CACNA2D2: variants seen among roughly 807,000 people sequenced by gnomAD.
The protein encoded by CACNA2D2 is calcium voltage-gated channel auxiliary subunit alpha2delta 2, also known as voltage-dependent calcium channel subunit alpha-2/delta-2.
In CACNA2D2, 48 loss-of-function variants were observed where a neutral mutation model predicts 166.4. The observed-to-expected ratio is 0.29, with a 90% confidence interval of 0.23 to 0.37. The LOEUF is 0.37. Ranked by LOEUF, CACNA2D2 falls within the 10% of genes least tolerant of loss-of-function variation. The probability of loss-of-function intolerance (pLI) is 1.00; values close to 1 mark genes in which losing one functional copy is unlikely to be tolerated. For synonymous variants in CACNA2D2, 561 were observed against 573.7 expected (o/e 0.98, Z 0.32); for missense variants, 1,122 against 1,433.0 (o/e 0.78, Z 3.50).
intron 1 of CACNA2D2, 142 bp from the exon 2 acceptor site, chr3:50,476,341 A>T: frequency 1.5e-6 from 1 of 645,776 alleles, no homozygotes; most frequent in East Asian, 2.8e-5. Flanking sequence ...GCAAGGAACC[A>T]GCAAGCACCT....
rs185295106 is a variant in CACNA2D2 at position 50,477,202 on chromosome 3, T to A, written c.207-1003A>T. ...TCTCAGCCTCCCAAAGTGCTGGGATTATAGGCATGAGCCACCGTGCCCGGC... is the reference window on the plus strand; with the variant it reads ...TCTCAGCCTCCCAAAGTGCTGGGATAATAGGCATGAGCCACCGTGCCCGGC... On this transcript the variant is annotated intron_variant, in intron 1 of 37. Transcript: ENST00000424201. Among the ~76,000 whole-genome samples the A allele has an allele frequency of 5.9e-5, 9 of 152,024 alleles. No homozygotes were observed. The East Asian group carries it at 1.8e-3, about 30-fold the overall frequency.
chr3:50,378,750 G>A lies in CACNA2D2; in HGVS notation c.1339+165C>T, dbSNP rs75017764. Among the ~76,000 whole-genome samples the A allele has an allele frequency of 9.8e-4, 149 of 152,336 alleles. 1 individual carries two copies. The East Asian group carries it at 0.018, about 18-fold the overall frequency. On this transcript the variant is annotated intron_variant, in intron 13 of 37. Transcript: ENST00000424201. The stretch of plus-strand genomic sequence containing the variant: ...AAAAGAGGCTCAGTTAGGTGGACCC[G>A]TTAGCCCCCAGATAGAGTGAGGGAC...
At chr3:50,370,103 G>T (rs1369744069) in intron 23 of CACNA2D2, among the ~76,000 whole-genome samples, 1 of 152,206 alleles carries the variant, frequency 6.6e-6, no homozygotes, top group African/African-American at 2.4e-5. Flanking sequence ...GCCCCGGCCT[G>T]GTGGGAGCTA....
Position 50,376,313 on chromosome 3 carries a change from G to C in CACNA2D2, c.1627-125C>G, listed in dbSNP as rs1004921017. The stretch of plus-strand genomic sequence containing the variant: ...TTCTGTTTGCCTGCCTTGGGCTAAG[G>C]GCCCCCCCATGCCACGTGGCCCTAA... On this transcript the variant is annotated intron_variant, in intron 17 of 37. Transcript: ENST00000424201. The surrounding 1 kb of genome is among the most constrained non-coding windows in gnomAD (Gnocchi z 4.3). 9.5e-7 allele frequency: 1 copy of C among 1,051,966 alleles called. No homozygotes were observed. The highest frequency in any genetic ancestry group is 1.4e-6 in the Non-Finnish European group (1 of 721,258). 65.2% of individuals were successfully genotyped at this position (1,051,966 alleles called of 1,614,324 possible).
intron 2 of CACNA2D2, among the ~76,000 whole-genome samples, chr3:50,435,904 G>A (rs1196965035): frequency 6.6e-6 from 1 of 152,246 alleles, no homozygotes; most frequent in East Asian, 1.9e-4. Flanking sequence ...GGAGAAGAGA[G>A]GCCCCGAGTG....
At position 50,384,183 on chromosome 3, in the gene CACNA2D2, T is replaced by C. The variant is rs1393258101; in HGVS notation, c.652+13A>G. The C allele has an allele frequency of 1.2e-6, 2 of 1,613,676 alleles. No individual in the cohort carries two copies. The highest frequency in any genetic ancestry group is 3.3e-5 in the Admixed American group (2 of 59,996). On this transcript the variant is annotated intron_variant, in intron 6 of 37. Transcript: ENST00000424201. The stretch of plus-strand genomic sequence containing the variant: ...AGGTGGGATGGGCTGTCCCGATTGC[T>C]CTGCACACTCACAGCCTTTGTAGAT...
At chr3:50,460,955 C>T (rs1709561738) in intron 2 of CACNA2D2, among the ~76,000 whole-genome samples, 1 of 151,346 alleles carries the variant, frequency 6.6e-6, no homozygotes, top group South Asian at 2.1e-4. Context: ...CAGAAAGACA[C>T]AGAAATGGAA....
chr3:50,402,960 C>T (rs1706514244), intron 3 of CACNA2D2, among the ~76,000 whole-genome samples: 1 of 152,088 alleles, frequency 6.6e-6, no homozygotes, highest in East Asian at 1.9e-4. Context: ...CATGGTGCTG[C>T]CTCCTGTCCC....
In CACNA2D2 at chr3:50,367,913, A is replaced by T; in HGVS notation, c.2144-11T>A. 1 of 153,528 alleles carries T rather than the reference A, an allele frequency of 6.5e-6. No homozygotes were observed. The highest frequency in any genetic ancestry group is 1.3e-5 in the Non-Finnish European group (1 of 77,444). The allele number at this position is 153,528 out of a possible 1,614,324, so 9.5% of individuals were successfully genotyped here. On this transcript the variant is annotated splice_polypyrimidine_tract_variant and intron_variant, in intron 24 of 37. Coordinates refer to ENST00000424201, the MANE Select transcript of CACNA2D2 (RefSeq NM_006030.4). The surrounding 1 kb of genome is among the most constrained non-coding windows in gnomAD (Gnocchi z 6.5). Reference sequence around the variant, plus strand: ...GAAGGAAGTTGTTGCCTGGAACAGGAGGGGAGGGGTGGGGGTGGGGGCATC... The same window carrying T: ...GAAGGAAGTTGTTGCCTGGAACAGGTGGGGAGGGGTGGGGGTGGGGGCATC...
chr3:50,452,655 G>A (rs1709155416), intron 2 of CACNA2D2, among the ~76,000 whole-genome samples: 1 of 152,226 alleles, frequency 6.6e-6, no homozygotes, highest in Non-Finnish European at 1.5e-5. Flanking sequence ...GACTGAGTAA[G>A]ATTCAAAACA....
intron 2 of CACNA2D2, among the ~76,000 whole-genome samples, chr3:50,466,215 TCAGA>T (rs1477972329): frequency 2.0e-5 from 3 of 152,138 alleles, no homozygotes; most frequent in Non-Finnish European, 2.9e-5. Flanking sequence ...CTGAGCAGTG[TCAGA>T]CAGAGTGACT....
chr3:50,489,715 C>T (rs1468019047), intron 1 of CACNA2D2, among the ~76,000 whole-genome samples: 1 of 152,212 alleles, frequency 6.6e-6, no homozygotes, highest in Non-Finnish European at 1.5e-5. Flanking sequence ...CTCGTCCCCC[C>T]ATCAATGGCT....
At chr3:50,495,074 G>C (rs1430958466) in intron 1 of CACNA2D2, among the ~76,000 whole-genome samples, 1 of 152,220 alleles carries the variant, frequency 6.6e-6, no homozygotes, top group Non-Finnish European at 1.5e-5. Context: ...TAGGGATGAG[G>C]GCTGGGCCCT....
intron 1 of CACNA2D2, among the ~76,000 whole-genome samples, chr3:50,487,881 CATGTACCTACT>C (rs1174191380): frequency 1.3e-5 from 2 of 152,252 alleles, no homozygotes; most frequent in African/African-American, 4.8e-5. Context: ...CGATAGTAAC[CATGTACCTACT>C]ATGGGCACCT....
chr3:50,451,148 G>C (rs533003173), intron 2 of CACNA2D2, among the ~76,000 whole-genome samples: 1 of 151,222 alleles, frequency 6.6e-6, no homozygotes, highest in South Asian at 2.1e-4. Context: ...TTTTTGAGAC[G>C]GAGTTTCACT....
At chr3:50,425,646 T>A (rs1351649039) in intron 3 of CACNA2D2, among the ~76,000 whole-genome samples, 1 of 152,208 alleles carries the variant, frequency 6.6e-6, no homozygotes, top group African/African-American at 2.4e-5. Flanking sequence ...TTAGGCTGGT[T>A]TGTCCCTGTG....
intron 2 of CACNA2D2, among the ~76,000 whole-genome samples, chr3:50,450,980 G>A (rs562012092): frequency 6.6e-6 from 1 of 152,288 alleles, no homozygotes; most frequent in East Asian, 1.9e-4. Context: ...TTTGTGGTGT[G>A]TACAAAACCA....
At chr3:50,430,681 C>A (rs1373346125) in intron 3 of CACNA2D2, among the ~76,000 whole-genome samples, 2 of 152,158 alleles carry the variant, frequency 1.3e-5, no homozygotes, top group African/African-American at 4.8e-5. Context: ...GAGAGCCAGG[C>A]TGTAGACTAG....
chr3:50,451,528 C>T (rs562643494), intron 2 of CACNA2D2, among the ~76,000 whole-genome samples: 6 of 152,286 alleles, frequency 3.9e-5, no homozygotes, highest in South Asian at 2.1e-4. Context: ...CCTCCATCCA[C>T]GCTAATTAAC....
Sources: allele counts gnomAD v4.1 joint callset (sites outside exome capture counted in the v4.1 genomes callset), GRCh38; gene constraint gnomAD v4.1.1; non-coding constraint Gnocchi (gnomAD v3.1); transcripts MANE v1.5; gene names NCBI Gene and HGNC (gene_info 2026-07-23, HGNC 2026-07-21).